NAALAD2: variants seen among roughly 807,000 people sequenced by gnomAD.
NAALAD2 encodes the protein N-acetylated alpha-linked acidic dipeptidase 2.
NAALAD2 carries 89 observed loss-of-function variants against 95.6 expected under a neutral mutation model. That is an observed-to-expected ratio of 0.93 (90% CI 0.78 to 1.11). NAALAD2 has a LOEUF of 1.11. Ranked by LOEUF, NAALAD2 falls within the 50% of genes least tolerant of loss-of-function variation. The pLI, the probability that NAALAD2 is intolerant of heterozygous loss-of-function variation, is 0.00. For missense variants in NAALAD2, 894 were observed against 872.4 expected (o/e 1.02, Z -0.31); for synonymous variants, 264 against 294.4 (o/e 0.90, Z 1.06).
At chr11:90,140,377 A>C (rs1247075220) in intron 2 of NAALAD2, among the ~76,000 whole-genome samples, 1 of 152,052 alleles carries the variant, frequency 6.6e-6, no homozygotes, top group African/African-American at 2.4e-5. Context: ...TTTATAATAG[A>C]TTCATGTTAT....
chr11:90,169,166 C>T (rs1305193356), intron 12 of NAALAD2, 174 bp downstream of exon 12: 23 of 485,258 alleles, frequency 4.7e-5, no homozygotes, highest in South Asian at 1.5e-4. Context: ...TTCATTTTGC[C>T]ACAGAGAAAA....
intron 7 of NAALAD2, 86 bp downstream of exon 7, chr11:90,158,324 G>A (rs745933502): frequency 1.1e-6 from 1 of 927,490 alleles, no homozygotes; most frequent in South Asian, 1.4e-5. Context: ...GCATTCTTAT[G>A]TTAAACACAA....
chr11:90,177,729 A>G, intron 15 of NAALAD2, 124 bp from the exon 16 acceptor site: 2 of 984,124 alleles, frequency 2.0e-6, no homozygotes, highest in South Asian at 3.5e-5. Flanking sequence ...CTAGGATTAC[A>G]GATGTGAGCC....
At chr11:90,143,520 T>C (rs1301061362) in intron 2 of NAALAD2, among the ~76,000 whole-genome samples, 2 of 152,174 alleles carry the variant, frequency 1.3e-5, no homozygotes, top group Admixed American at 6.5e-5. Flanking sequence ...TGTCTAGGCA[T>C]AGTTTTCTTT....
upstream of NAALAD2, among the ~76,000 whole-genome samples, chr11:90,132,436 G>C (rs866314060): frequency 2.6e-5 from 4 of 152,062 alleles, no homozygotes; most frequent in Admixed American, 2.0e-4. Context: ...AGATAATTTT[G>C]ATCTGCCTCT....
rs1020255901 is a variant in NAALAD2 at position 90,183,064 on chromosome 11, A to C, written c.2033+56A>C. The C allele has an allele frequency of 4.6e-5, 62 of 1,343,476 alleles. 1 individual carries two copies. Among genetic ancestry groups the C allele is most frequent in the Non-Finnish European group, 6.4e-5 (60 of 936,336 alleles). 83.2% of individuals were successfully genotyped at this position (1,343,476 alleles called of 1,614,324 possible). On this transcript the variant is annotated intron_variant, in intron 18 of 18. Transcript: ENST00000534061. ...CTGTGACCAAAACCAGCATACCTAA[A>C]GTTGGCTTTAAACTAATGCCATTAG...
chr11:90,154,204 G>C (rs550284956), intron 6 of NAALAD2, among the ~76,000 whole-genome samples: 8 of 151,926 alleles, frequency 5.3e-5, no homozygotes, highest in African/African-American at 9.6e-5. Flanking sequence ...TGTTACAACA[G>C]ACATACTTGC....
chr11:90,182,760 G>A (rs1367640948), intron 17 of NAALAD2, among the ~76,000 whole-genome samples, 156 bp from the exon 18 acceptor site: 1 of 152,048 alleles, frequency 6.6e-6, no homozygotes, highest in Non-Finnish European at 1.5e-5. Context: ...GCTGTTTGTG[G>A]CTCACCATGT....
At chr11:90,139,855 CTTT>C (rs71472281) in intron 2 of NAALAD2, among the ~76,000 whole-genome samples, 61,673 of 144,154 alleles carry the variant, frequency 0.43, 13,150 homozygotes, top group African/African-American at 0.53. Flanking sequence ...CAAACTTTTC[CTTT>C]TTTTTTTTTT....
intron 18 of NAALAD2, among the ~76,000 whole-genome samples, chr11:90,187,330 T>C (rs555384114): frequency 3.9e-4 from 60 of 152,254 alleles, no homozygotes; most frequent in Non-Finnish European, 6.5e-4. Context: ...TTAAATTTGA[T>C]TAGGTTACTA....
At chr11:90,141,786 T>C (rs1050326998) in intron 2 of NAALAD2, among the ~76,000 whole-genome samples, 1 of 152,168 alleles carries the variant, frequency 6.6e-6, no homozygotes, top group Non-Finnish European at 1.5e-5. Context: ...TTGTTTGTTT[T>C]GGTTTGTTTC....
At chr11:90,164,686 A>G (rs1952386699) in intron 11 of NAALAD2, among the ~76,000 whole-genome samples, 2 of 152,188 alleles carry the variant, frequency 1.3e-5, no homozygotes, top group Admixed American at 6.5e-5. Flanking sequence ...TAAGTGATCA[A>G]TAAATGTTGG....
At chr11:90,175,498 A>G (rs1283552591) in intron 14 of NAALAD2, among the ~76,000 whole-genome samples, 1 of 152,182 alleles carries the variant, frequency 6.6e-6, no homozygotes, top group African/African-American at 2.4e-5. Context: ...AATAAATTAT[A>G]ATTAGATTTA....
At chr11:90,155,591 TATGTA>T (rs1385493527) in intron 6 of NAALAD2, among the ~76,000 whole-genome samples, 7 of 73,204 alleles carry the variant, frequency 9.6e-5, no homozygotes, top group African/African-American at 5.4e-4. Context: ...ATGTAATATA[TATGTA>T]ATAATATATA....
chr11:90,174,483 G>A (rs1272258075), intron 14 of NAALAD2, among the ~76,000 whole-genome samples: 1 of 151,910 alleles, frequency 6.6e-6, no homozygotes, highest in Non-Finnish European at 1.5e-5. Flanking sequence ...CCATTAGTTG[G>A]CATTCTTGCT....
chr11:90,149,003 T>C lies in NAALAD2; in HGVS notation c.382-3T>C. 6.4e-7 allele frequency: 1 copy of C among 1,559,628 alleles called. No individual in the cohort carries two copies. Among genetic ancestry groups the C allele is most frequent in the South Asian group, 1.2e-5 (1 of 85,460 alleles). On this transcript the variant is annotated splice_polypyrimidine_tract_variant and splice_region_variant and intron_variant, in intron 3 of 18. Transcript: ENST00000534061. ...TAACTTGACATATTTTAATTCTTGC[T>C]AGATTTTCAAAACATCATACCTTGA... is the stretch of plus-strand genomic sequence containing the variant.
At chr11:90,168,849 A>G in intron 11 of NAALAD2, 80 bp from the exon 12 acceptor site, 3 of 1,185,204 alleles carry the variant, frequency 2.5e-6, no homozygotes, top group Non-Finnish European at 3.7e-6. Context: ...CCGCTTTTCC[A>G]CGAAATTAAT....
At chr11:90,137,129 T>C (rs188052238) in intron 2 of NAALAD2, among the ~76,000 whole-genome samples, 77 of 152,078 alleles carry the variant, frequency 5.1e-4, no homozygotes, top group Non-Finnish European at 8.8e-5. Context: ...TATTGCATGA[T>C]CTAACTCATA....
At chr11:90,180,807 GA>G (rs904127832) in intron 16 of NAALAD2, among the ~76,000 whole-genome samples, 1 of 149,840 alleles carries the variant, frequency 6.7e-6, no homozygotes, top group Non-Finnish European at 1.5e-5. Flanking sequence ...AAAATATTCA[GA>G]AAAAAAAACC....
Sources: allele counts gnomAD v4.1 joint callset (sites outside exome capture counted in the v4.1 genomes callset), GRCh38; gene constraint gnomAD v4.1.1; transcripts MANE v1.5; gene names NCBI Gene and HGNC (gene_info 2026-07-23, HGNC 2026-07-21).